APC: variants seen among roughly 807,000 people sequenced by gnomAD.
The protein encoded by APC is APC regulator of Wnt signaling pathway, also known as adenomatous polyposis coli protein.
APC carries 72 observed loss-of-function variants against 247.0 expected under a neutral mutation model. The observed-to-expected ratio is 0.29, with a 90% CI of 0.24 to 0.35. APC has a LOEUF of 0.35. Ranked by LOEUF, APC falls within the 10% of genes least tolerant of loss-of-function variation. The probability of loss-of-function intolerance (pLI) is 1.00; values close to 1 mark genes in which losing one functional copy is unlikely to be tolerated. For synonymous variants in APC, 1,254 were observed against 1,162.5 expected, an observed-to-expected ratio of 1.08 and a Z score of -1.60; for missense variants, 3,400 against 3,360.7, an observed-to-expected ratio of 1.01 and a Z score of -0.29.
intron 1 of APC, among the ~76,000 whole-genome samples, chr5:112,750,563 C>G (rs1754240043): frequency 6.6e-6 from 1 of 151,700 alleles, no homozygotes; most frequent in Non-Finnish European, 1.5e-5. Flanking sequence ...TGTAGTATTT[C>G]ACTGTACAGA....
chr5:112,754,799 T>C (rs2149736346), intron 1 of APC, 74 bp from the exon 2 acceptor site: 1 of 1,414,234 alleles, frequency 7.1e-7, no homozygotes. Flanking sequence ...TTGTTTCCTT[T>C]ACCCCTTTCT....
chr5:112,759,483 G>A (rs775840079), intron 2 of APC, among the ~76,000 whole-genome samples: 5 of 150,400 alleles, frequency 3.3e-5, no homozygotes, highest in Non-Finnish European at 5.9e-5. Context: ...TCAGCCTCCC[G>A]AGTAGCTGGG....
At chr5:112,810,540 G>A (rs965616217) in intron 8 of APC, among the ~76,000 whole-genome samples, 4 of 152,268 alleles carry the variant, frequency 2.6e-5, no homozygotes, top group African/African-American at 7.2e-5. Flanking sequence ...GACCATAAAT[G>A]TATATCGACA....
At chr5:112,759,984 A>T (rs1755472758) in intron 2 of APC, among the ~76,000 whole-genome samples, 1 of 152,188 alleles carries the variant, frequency 6.6e-6, no homozygotes, top group South Asian at 2.1e-4. Context: ...TAAAATACAA[A>T]AATCATACTT....
At chr5:112,748,453 C>A (rs1165596691) in intron 1 of APC, among the ~76,000 whole-genome samples, 1 of 152,096 alleles carries the variant, frequency 6.6e-6, no homozygotes, top group African/African-American at 2.4e-5. Context: ...ATAACACTTT[C>A]TCTTTTTTAA....
At position 112,838,766 on chromosome 5, in the gene APC, G is replaced by C. The variant is rs780872106; in HGVS notation, c.3172G>C (p.Asp1058His). The C allele has an allele frequency of 6.2e-7, 1 of 1,614,074 alleles. No homozygotes were observed. Among genetic ancestry groups the C allele is most frequent in the East Asian group, 2.2e-5 (1 of 44,864 alleles). The change falls in exon 16 of 16, where the codon GAT becomes CAT. Residue 1058 changes from aspartate to histidine, a missense_variant. Physicochemically the swap from Asp to His is moderately conservative, Grantham distance 81 (BLOSUM62 -1). Coordinates refer to ENST00000257430, the MANE Select transcript of APC (RefSeq NM_000038.6). ...RWARPKHIIE[D>H]EIKQSEQRQS... Reference sequence around the variant, plus strand: ...GGCAAGACCCAAACACATAATAGAAGATGAAATAAAACAAAGTGAGCAAAG... The same window carrying C: ...GGCAAGACCCAAACACATAATAGAACATGAAATAAAACAAAGTGAGCAAAG...
chr5:112,826,962 T>G, intron 11 of APC, 146 bp from the exon 12 acceptor site: 1 of 741,476 alleles, frequency 1.3e-6, no homozygotes, highest in South Asian at 1.8e-5. Context: ...TATAACAGTT[T>G]TTGTAGCTTA....
chr5:112,757,875 A>G (rs1349425692), intron 2 of APC, among the ~76,000 whole-genome samples: 1 of 152,224 alleles, frequency 6.6e-6, no homozygotes, highest in Non-Finnish European at 1.5e-5. Flanking sequence ...AAATGTGAAC[A>G]CTGTATATTA....
At position 112,707,552 on chromosome 5, in the gene APC, C is replaced by A. The variant is rs904001781; in HGVS notation, c.-166C>A. On this transcript the variant is annotated 5_prime_UTR_variant, in exon 1 of 14. Coordinates refer to the APC transcript ENST00000507379. ...TGGCGGAGGGCAAGTAGCAAGGGGG[C>A]GGGGTGTGGCCGCCGGAAGCCTAGC... The A allele has an allele frequency of 1.7e-6, 1 of 575,060 alleles. No individual in the cohort carries two copies. Among genetic ancestry groups the A allele is most frequent in the South Asian group, 1.8e-5 (1 of 54,556 alleles). 35.6% of individuals were successfully genotyped at this position (575,060 alleles called of 1,614,324 possible). A position where few individuals can be genotyped will look rare whatever the true frequency, so the allele number is the denominator to read the frequency against.
chr5:112,779,603 AT>A (rs1215514936), intron 5 of APC, among the ~76,000 whole-genome samples: 2 of 152,200 alleles, frequency 1.3e-5, no homozygotes, highest in Non-Finnish European at 2.9e-5. Context: ...ATACCTACTT[AT>A]CAAAACATTA....
chr5:112,795,215 A>G (rs1368197843), intron 7 of APC, among the ~76,000 whole-genome samples: 1 of 152,046 alleles, frequency 6.6e-6, no homozygotes. Context: ...TTTAGTAGAG[A>G]TGGGGTTTCA....
rs1443624769 is a variant in APC, at chr5:112,839,577, A to G, written c.3983A>G (p.Gln1328Arg). The change falls in exon 16 of 16, where the codon CAG (glutamine) becomes CGG (arginine). Residue 1328 changes from glutamine (Q) to arginine (R), a missense_variant. Gln to Arg is a conservative substitution (Grantham distance 43, BLOSUM62 1). This residue lies in a region of APC where 715 missense variants were observed against 656.6 expected (regional missense o/e 1.09). Coordinates refer to ENST00000257430, the MANE Select transcript of APC (RefSeq NM_000038.6). The surrounding 1 kb of genome is among the most constrained non-coding windows in gnomAD (Gnocchi z 5.0). Reference sequence around the variant, plus strand: ...GTGAGCGAAGTTCCAGCAGTGTCACAGCACCCTAGAACCAAATCCAGCAGA... The same window carrying G: ...GTGAGCGAAGTTCCAGCAGTGTCACGGCACCCTAGAACCAAATCCAGCAGA... Reference protein sequence around the residue: ...DPVSEVPAVSQHPRTKSSRLQ... With the variant: ...DPVSEVPAVSRHPRTKSSRLQ... 6.2e-7 allele frequency: 1 copy of G among 1,614,098 alleles called. No individual in the cohort carries two copies. Among genetic ancestry groups the G allele is most frequent in the Non-Finnish European group, 8.5e-7 (1 of 1,180,026 alleles).
At chr5:112,731,409 G>A (rs1752092039) in intron 1 of APC, among the ~76,000 whole-genome samples, 1 of 152,208 alleles carries the variant, frequency 6.6e-6, no homozygotes, top group Non-Finnish European at 1.5e-5. Flanking sequence ...CCTTCTTATT[G>A]TGTCATCCCA....
At chr5:112,710,046 C>G (rs1435145194) in intron 1 of APC, among the ~76,000 whole-genome samples, 1 of 152,158 alleles carries the variant, frequency 6.6e-6, no homozygotes, top group Non-Finnish European at 1.5e-5. Flanking sequence ...ATTTGCCTCC[C>G]TGTGTAACCA....
chr5:112,712,188 T>G (rs1034706699), intron 1 of APC, among the ~76,000 whole-genome samples: 1 of 152,352 alleles, frequency 6.6e-6, no homozygotes, highest in East Asian at 1.9e-4. Flanking sequence ...TGCTTTTCAC[T>G]GTGTTCTCTT....
At position 112,839,911 on chromosome 5, in the gene APC, T is replaced by A. The variant is rs769586752; in HGVS notation, c.4317T>A (p.Pro1439=). 6 of 1,613,902 alleles carry A rather than the reference T, an allele frequency of 3.7e-6. No individual in the cohort carries two copies. The highest frequency in any genetic ancestry group is 1.7e-4 in the Middle Eastern group (1 of 6,060). Residue 1439 remains proline, a synonymous_variant, in exon 16 of 16, where the codon CCT becomes CCA. Coordinates refer to ENST00000257430, the MANE Select transcript of APC (RefSeq NM_000038.6). The surrounding 1 kb of genome is among the most constrained non-coding windows in gnomAD (Gnocchi z 5.0). ...QTMPPSRSKT[P]PPPPQTAQTK... ...TGCCACCAAGCAGAAGTAAAACACC[T>A]CCACCACCTCCTCAAACAGCTCAAA...
At chr5:112,779,865 A>T (rs1236693930) in intron 5 of APC, among the ~76,000 whole-genome samples, 2 of 152,220 alleles carry the variant, frequency 1.3e-5, no homozygotes, top group Non-Finnish European at 2.9e-5. Flanking sequence ...GAACTAATCT[A>T]ACTACAACTG....
intron 14 of APC, among the ~76,000 whole-genome samples, chr5:112,830,687 A>G (rs1310839041): frequency 6.6e-6 from 1 of 152,244 alleles, no homozygotes; most frequent in Non-Finnish European, 1.5e-5. Flanking sequence ...ATATTTGTAC[A>G]AAGTAATAGG....
Position 112,768,029 on chromosome 5 carries a change from T to TAGTA in APC, c.422+642_422+645dup, listed in dbSNP as rs527675667. ...GAGTTCAGGACTAGCCTGGGTGACA[T>TAGTA]AGTAAGACTCTTTCTTTTTTTTTTT... is the stretch of plus-strand genomic sequence containing the variant. On this transcript the variant is annotated intron_variant, in intron 4 of 15. Transcript: ENST00000257430. 3.6e-4 allele frequency among the ~76,000 whole-genome samples: 54 copies of TAGTA among 151,438 alleles called. 2 individuals are homozygous for TAGTA. In the East Asian group the frequency reaches 6.2e-3, roughly 17 times the overall value.
Sources: gnomAD v4.1 joint callset for allele counts (sites outside exome capture counted in the v4.1 genomes callset) on GRCh38, gnomAD v4.1.1 for gene constraint, gnomAD v4.1.1 regional missense constraint, Gnocchi (gnomAD v3.1) non-coding constraint, MANE v1.5 for transcripts, NCBI Gene and HGNC (gene_info 2026-07-23, HGNC 2026-07-21) for gene names.